Variants in TMEM183A observed in about 807,000 individuals in gnomAD.
TMEM183A encodes chromosome 1 open reading frame 37.
A neutral mutation model predicts 46.7 loss-of-function variants in TMEM183A; 21 were observed. That is an observed-to-expected ratio of 0.45 (90% CI 0.32 to 0.65). The LOEUF (loss-of-function observed/expected upper bound fraction) is 0.65, where lower values mean the gene tolerates loss of function less well. Among genes scored for constraint, TMEM183A ranks in the 30% least tolerant of loss-of-function variants. TMEM183A has a pLI of 0.04. For missense variants in TMEM183A, 331 were observed against 481.9 expected, an observed-to-expected ratio of 0.69 and a Z score of 2.93; for synonymous variants, 165 against 180.2, an observed-to-expected ratio of 0.92 and a Z score of 0.68.
chr1:203,011,685 A>C (rs1656603301), intron 3 of TMEM183A, among the ~76,000 whole-genome samples: 1 of 152,212 alleles, frequency 6.6e-6, no homozygotes, highest in African/African-American at 2.4e-5. Flanking sequence ...TTGGGTTTAC[A>C]GGTGTGAGCC....
chr1:203,024,497 T>A lies in TMEM183A; in HGVS notation c.*1457T>A, dbSNP rs1558050287. On this transcript the variant is annotated 3_prime_UTR_variant, in exon 8 of 8. Transcript: ENST00000367242. ...AAATTCACATTTTTGTTTTTTTTTTTTTACCATCTTCCCTAGGAATATTCC... is the reference window on the plus strand; with the variant it reads ...AAATTCACATTTTTGTTTTTTTTTTATTACCATCTTCCCTAGGAATATTCC... 1 of 151,910 alleles carries A rather than the reference T, an allele frequency of 6.6e-6. No homozygotes were observed. Among genetic ancestry groups the A allele is most frequent in the African/African-American group, 2.4e-5 (1 of 41,308 alleles). 9.4% of individuals were successfully genotyped at this position (151,910 alleles called of 1,614,324 possible). A position where few individuals can be genotyped will look rare whatever the true frequency, so the allele number is the denominator to read the frequency against.
intron 3 of TMEM183A, among the ~76,000 whole-genome samples, chr1:203,011,062 A>G (rs1170764682): frequency 1.3e-5 from 2 of 152,210 alleles, no homozygotes; most frequent in South Asian, 2.1e-4. Flanking sequence ...TTTGGCTGCT[A>G]TGAATAATGC....
At chr1:203,021,922 A>G (rs1473213413) in intron 7 of TMEM183A, among the ~76,000 whole-genome samples, 1 of 150,676 alleles carries the variant, frequency 6.6e-6, no homozygotes, top group Admixed American at 6.8e-5. Context: ...AAATATACTG[A>G]CAAAGTAAAG....
chr1:203,017,052 G>A (rs929545594), intron 5 of TMEM183A, among the ~76,000 whole-genome samples: 3 of 152,060 alleles, frequency 2.0e-5, no homozygotes, highest in Non-Finnish European at 4.4e-5. Context: ...AATTAAAAGG[G>A]TACTTTTGAT....
Position 203,014,938 on chromosome 1 carries a change from A to G in TMEM183A, c.417A>G (p.Leu139=). Residue 139 remains leucine, a synonymous_variant, in exon 4 of 8, where the codon CTA becomes CTG. Coordinates refer to ENST00000367242, the MANE Select transcript of TMEM183A (RefSeq NM_138391.6). ...AAGAGTATCCCATGGATATTTGGCT[A>G]TTGCTGGCCTCCTATATCCGTCCTG... The part of the protein sequence containing the change: ...GGEEYPMDIW[L]LLASYIRPED... 5 of 1,613,518 alleles carry G rather than the reference A, an allele frequency of 3.1e-6. No individual in the cohort carries two copies. Among genetic ancestry groups the G allele is most frequent in the Non-Finnish European group, 4.2e-6 (5 of 1,179,748 alleles).
chr1:203,012,674 G>A (rs1242853484), intron 3 of TMEM183A, among the ~76,000 whole-genome samples: 1 of 152,134 alleles, frequency 6.6e-6, no homozygotes, highest in African/African-American at 2.4e-5. Flanking sequence ...ATAGCACTCT[G>A]CTTTGTAAAA....
chr1:203,013,568 G>A lies in TMEM183A; in HGVS notation c.368-1321G>A, dbSNP rs570669676. ...ACTCTGTCGCCCAGGCTGGAGTGCA[G>A]TGGCGCTATCTCGGCTCACTGCAAG... On this transcript the variant is annotated intron_variant, in intron 3 of 7. Coordinates refer to ENST00000367242, the MANE Select transcript of TMEM183A (RefSeq NM_138391.6). The surrounding 1 kb of genome is among the most constrained non-coding windows in gnomAD (Gnocchi z 4.0). 6.6e-6 allele frequency among the ~76,000 whole-genome samples: 1 copy of A among 151,974 alleles called. No homozygotes were observed. The highest frequency in any genetic ancestry group is 1.9e-4 in the East Asian group (1 of 5,174).
At chr1:203,014,757 T>C in intron 3 of TMEM183A, 132 bp from the exon 4 acceptor site, 1 of 1,314,384 alleles carries the variant, frequency 7.6e-7, no homozygotes, top group Non-Finnish European at 1.0e-6. Context: ...AAATGATAAG[T>C]TTGAGGGGTT....
At position 203,020,888 on chromosome 1, in the gene TMEM183A, G is replaced by T. The variant is rs1190857750; in HGVS notation, c.885G>T (p.Leu295=). ...HTNPDQDCCL[L]QVTTLNFIFI... is the part of the protein sequence containing the mutation. ...ATCCAGACCAGGACTGCTGCCTACT[G>T]CAGGTCACCACCCTCAATTTCATCT... Residue 295 remains leucine, a synonymous_variant, in exon 7 of 8, where the codon CTG becomes CTT. Transcript: ENST00000367242. 6.2e-7 allele frequency: 1 copy of T among 1,613,344 alleles called. No individual in the cohort carries two copies. The highest frequency in any genetic ancestry group is 1.3e-5 in the African/African-American group (1 of 74,710).
rs183626130 is a variant in TMEM183A, at chr1:203,015,221, A to G, written c.527+173A>G. 2.1e-4 allele frequency: 201 copies of G among 941,280 alleles called. 2 individuals carry two copies. In the African/African-American group the frequency reaches 3.1e-3, roughly 15 times the overall value. The allele number at this position is 941,280 out of a possible 1,614,324, so 58.3% of individuals were successfully genotyped here. A position where few individuals can be genotyped will look rare whatever the true frequency, so the allele number is the denominator to read the frequency against. On this transcript the variant is annotated intron_variant, in intron 4 of 7. Coordinates refer to ENST00000367242, the MANE Select transcript of TMEM183A (RefSeq NM_138391.6). Reference sequence around the variant, plus strand: ...CTCTAATTTAAATTTGATATTATTAATTATCCAGGTAATTGTCTTCCGTGT... The same window carrying G: ...CTCTAATTTAAATTTGATATTATTAGTTATCCAGGTAATTGTCTTCCGTGT...
intron 3 of TMEM183A, among the ~76,000 whole-genome samples, chr1:203,010,565 T>A (rs1315112538): frequency 6.6e-6 from 1 of 152,236 alleles, no homozygotes; most frequent in African/African-American, 2.4e-5. Context: ...TGATAAGGGA[T>A]ACTCAACCAG....
chr1:203,012,190 ATTTTGAAACGGC>A (rs1558038015), intron 3 of TMEM183A, among the ~76,000 whole-genome samples: 2 of 109,278 alleles, frequency 1.8e-5, no homozygotes, highest in Admixed American at 9.8e-5. Flanking sequence ...ACACACGGTT[ATTTTGAAACGGC>A]CATTTTTACT....
intron 3 of TMEM183A, among the ~76,000 whole-genome samples, chr1:203,009,672 A>G (rs1357888446): frequency 4.0e-5 from 6 of 150,634 alleles, no homozygotes; most frequent in Non-Finnish European, 8.8e-5. Flanking sequence ...TTGTAGAGAC[A>G]GGGGTCTCAC....
At chr1:203,015,251 G>A (rs1657061098) in intron 4 of TMEM183A, 3 of 746,204 alleles carry the variant, frequency 4.0e-6, no homozygotes, top group Non-Finnish European at 6.2e-6. Context: ...CCGTGTGGTT[G>A]CCTCCTTCCC....
intron 6 of TMEM183A, among the ~76,000 whole-genome samples, chr1:203,019,008 A>T (rs1264406863): frequency 6.6e-6 from 1 of 152,264 alleles, no homozygotes; most frequent in Non-Finnish European, 1.5e-5. Flanking sequence ...AGGAGACACA[A>T]ACATTCAAAT....
chr1:203,011,755 C>T (rs941261755), intron 3 of TMEM183A, among the ~76,000 whole-genome samples: 4 of 152,020 alleles, frequency 2.6e-5, no homozygotes, highest in Non-Finnish European at 5.9e-5. Flanking sequence ...ATTCAGATTA[C>T]TAGTCACTTA....
Position 203,007,414 on chromosome 1 carries a change from A to C in TMEM183A, c.-52A>C. ...GGCCTCCGGTGTGGGATGGCCGCGGAGCCGGGCGGAGCTGGCTTGCGGCTC... is the reference window on the plus strand; with the variant it reads ...GGCCTCCGGTGTGGGATGGCCGCGGCGCCGGGCGGAGCTGGCTTGCGGCTC... On this transcript the variant is annotated 5_prime_UTR_variant, in exon 1 of 8. Transcript: ENST00000367242. 1 of 1,348,730 alleles carries C rather than the reference A, an allele frequency of 7.4e-7. No individual in the cohort carries two copies. Among genetic ancestry groups the C allele is most frequent in the Non-Finnish European group, 9.5e-7 (1 of 1,049,266 alleles). The allele number at this position is 1,348,730 out of a possible 1,614,324, so 83.5% of individuals were successfully genotyped here.
In TMEM183A at chr1:203,018,498, C is replaced by T. The variant is rs969047684; in HGVS notation, c.726C>T (p.Cys242=). The T allele has an allele frequency of 1.9e-6, 3 of 1,611,930 alleles. No homozygotes were observed. In the African/African-American group the frequency reaches 4.0e-5, roughly 22 times the overall value. The change falls in exon 6 of 8, where the codon TGC becomes TGT. Residue 242 remains cysteine (C), a synonymous_variant. Transcript: ENST00000367242. ...LKNSKCLLFW[C]RKIVGNRQEP... is the part of the protein sequence containing the mutation. ...TCTTATAGTGCTTACTTTTCTGGTG[C>T]AGAAAGATTGTTGGGAACAGACAGG...
At chr1:203,019,705 C>T (rs1308432304) in intron 6 of TMEM183A, among the ~76,000 whole-genome samples, 5 of 152,088 alleles carry the variant, frequency 3.3e-5, no homozygotes, top group African/African-American at 9.6e-5. Flanking sequence ...GCCTAAGAGA[C>T]AGAGAAGACA....
Sources: gnomAD v4.1 joint callset for allele counts (sites outside exome capture counted in the v4.1 genomes callset) on GRCh38, gnomAD v4.1.1 for gene constraint, Gnocchi (gnomAD v3.1) non-coding constraint, MANE v1.5 for transcripts, NCBI Gene and HGNC (gene_info 2026-07-23, HGNC 2026-07-21) for gene names.